The following PPFIA1 variants were observed in gnomAD, a reference collection of about 807,000 sequenced individuals.
The protein encoded by PPFIA1 is PPFI scaffold protein A1, also known as liprin-alpha-1.
In PPFIA1, 25 loss-of-function variants were observed where a neutral mutation model predicts 149.9. The observed-to-expected ratio is 0.17, with a 90% confidence interval of 0.12 to 0.23. The LOEUF (loss-of-function observed/expected upper bound fraction) is 0.23. Among genes scored for constraint, PPFIA1 ranks in the 10% least tolerant of loss-of-function variants. The pLI, the probability that PPFIA1 is intolerant of heterozygous loss-of-function variation, is 1.00. For missense variants in PPFIA1, 1,362 were observed against 1,506.5 expected, an observed-to-expected ratio of 0.90 and a Z score of 1.59; for synonymous variants, 549 against 552.8, an observed-to-expected ratio of 0.99 and a Z score of 0.10.
chr11:70,373,215 GTTTA>G (rs1212442996), intron 23 of PPFIA1, among the ~76,000 whole-genome samples: 33 of 132,976 alleles, frequency 2.5e-4, no homozygotes, highest in African/African-American at 7.3e-4. Flanking sequence ...TTGTTTGTTT[GTTTA>G]TTTATTTATT....
chr11:70,308,591 G>A (rs904319609), intron 2 of PPFIA1, among the ~76,000 whole-genome samples: 3 of 152,060 alleles, frequency 2.0e-5, no homozygotes, highest in Non-Finnish European at 4.4e-5. Context: ...TTATTTTCTA[G>A]TGTTTTAAAT....
At chr11:70,282,016 A>C (rs974786602) in intron 2 of PPFIA1, among the ~76,000 whole-genome samples, 16 of 149,860 alleles carry the variant, frequency 1.1e-4, no homozygotes, top group Non-Finnish European at 2.1e-4. Context: ...CACCTCGCTT[A>C]GGCTACCTTG....
chr11:70,354,595 C>G, intron 17 of PPFIA1, 143 bp downstream of exon 17: 5 of 905,014 alleles, frequency 5.5e-6, no homozygotes, highest in African/African-American at 1.7e-5. Flanking sequence ...ACATGTTACA[C>G]TTAGAATGCT....
At chr11:70,379,686 G>T (rs748835008) in intron 26 of PPFIA1, among the ~76,000 whole-genome samples, 20 of 151,622 alleles carry the variant, frequency 1.3e-4, no homozygotes, top group Non-Finnish European at 2.6e-4. Flanking sequence ...AGTCCCTCCC[G>T]TACGTAGGTT....
chr11:70,291,027 A>T (rs979690349), intron 2 of PPFIA1, among the ~76,000 whole-genome samples: 3 of 152,324 alleles, frequency 2.0e-5, no homozygotes, highest in African/African-American at 7.2e-5. Context: ...CTGGGATTAC[A>T]GGCATATGCC....
rs186796445 is a variant in PPFIA1 at position 70,312,387 on chromosome 11, C to T, written c.265-12015C>T. ...TGTATTTTTGGGAGGGACCAGGTTTCACCATGTTGCTTGGGTTGGTCTCAA... is the reference window on the plus strand; with the variant it reads ...TGTATTTTTGGGAGGGACCAGGTTTTACCATGTTGCTTGGGTTGGTCTCAA... On this transcript the variant is annotated intron_variant, in intron 2 of 27. Coordinates refer to ENST00000253925, the MANE Select transcript of PPFIA1 (RefSeq NM_003626.5). Among the ~76,000 whole-genome samples the T allele has an allele frequency of 2.8e-4, 42 of 152,214 alleles. No individual in the cohort carries two copies. In the East Asian group the frequency reaches 7.8e-3, roughly 28 times the overall value.
At chr11:70,346,623 A>G (rs1374836044) in intron 15 of PPFIA1, among the ~76,000 whole-genome samples, 1 of 152,112 alleles carries the variant, frequency 6.6e-6, no homozygotes, top group Admixed American at 6.6e-5. Flanking sequence ...AGTGTGATGA[A>G]GCGTTCAGAA....
At chr11:70,335,356 A>T (rs1258061021) in intron 10 of PPFIA1, among the ~76,000 whole-genome samples, 1 of 152,098 alleles carries the variant, frequency 6.6e-6, no homozygotes, top group Non-Finnish European at 1.5e-5. Flanking sequence ...CCTTCTAGTT[A>T]ATGACCTTTC....
At chr11:70,311,261 T>C (rs1454411087) in intron 2 of PPFIA1, among the ~76,000 whole-genome samples, 4 of 151,402 alleles carry the variant, frequency 2.6e-5, no homozygotes, top group Admixed American at 6.6e-5. Flanking sequence ...TGAGCCGAGA[T>C]TGGGCCATTG....
intron 2 of PPFIA1, among the ~76,000 whole-genome samples, chr11:70,303,798 G>C (rs933635922): frequency 6.6e-6 from 1 of 152,188 alleles, no homozygotes; most frequent in Non-Finnish European, 1.5e-5. Context: ...TTGAGGTCAG[G>C]AGTTCAGGAG....
At chr11:70,345,338 T>G (rs2055621563) in intron 15 of PPFIA1, among the ~76,000 whole-genome samples, 1 of 149,268 alleles carries the variant, frequency 6.7e-6, no homozygotes, top group African/African-American at 2.5e-5. Flanking sequence ...AGCAGGGAAA[T>G]AAGAATTTTA....
intron 2 of PPFIA1, among the ~76,000 whole-genome samples, chr11:70,274,027 T>C (rs1480518991): frequency 3.3e-5 from 5 of 152,176 alleles, no homozygotes. Context: ...CTGGCACTGC[T>C]CAGTGTAGCA....
intron 16 of PPFIA1, among the ~76,000 whole-genome samples, chr11:70,349,108 C>T (rs1231146498): frequency 6.7e-6 from 1 of 148,314 alleles, no homozygotes; most frequent in Non-Finnish European, 1.5e-5. Flanking sequence ...TTCGGAGTGC[C>T]CAACCAGCTT....
chr11:70,289,425 TATTAAC>T (rs1454633191), intron 2 of PPFIA1, among the ~76,000 whole-genome samples: 1 of 152,220 alleles, frequency 6.6e-6, no homozygotes, highest in Admixed American at 6.5e-5. Context: ...TTTCTAATAA[TATTAAC>T]ATTGTTTTCC....
chr11:70,339,290 G>T lies in PPFIA1; in HGVS notation c.1691G>T (p.Arg564Leu), dbSNP rs142223113. The change falls in exon 14 of 28, where the codon CGA becomes CTA. Residue 564 changes from arginine to leucine, a missense_variant. Around this residue, in one of 7 missense-constraint regions of PPFIA1, gnomAD observed 733 missense variants for 744.1 expected, o/e 0.99. Transcript: ENST00000253925. ...CAGAAAGGCCGGCTGGCAGCCCTGCGAGATGAGCCTTCCAAGGCAAGGTCT... is the reference window on the plus strand; with the variant it reads ...CAGAAAGGCCGGCTGGCAGCCCTGCTAGATGAGCCTTCCAAGGCAAGGTCT... ...RPQKGRLAALRDEPSKVQTLN... is the reference protein window; with the variant it reads ...RPQKGRLAALLDEPSKVQTLN... 9 of 1,613,636 alleles carry T rather than the reference G, an allele frequency of 5.6e-6. No homozygotes were observed. In the East Asian group the frequency reaches 2.0e-4, roughly 36 times the overall value.
rs1456382628 is a variant in PPFIA1, at chr11:70,372,490, T to C, written c.3055T>C (p.Cys1019Arg). ...VDSFHRNSFQCGIMCLRRLNY... is the reference protein window; with the variant it reads ...VDSFHRNSFQRGIMCLRRLNY... Reference sequence around the variant, plus strand: ...TCTTCCAAATAGAAACAGTTTCCAGTGTGGAATTATGTGCCTGAGAAGGTT... The same window carrying C: ...TCTTCCAAATAGAAACAGTTTCCAGCGTGGAATTATGTGCCTGAGAAGGTT... Residue 1019 changes from cysteine to arginine, a missense_variant, in exon 23 of 28, where the codon TGT (cysteine) becomes CGT (arginine). Cys to Arg is a radical substitution (Grantham distance 180). Around this residue, in one of 7 missense-constraint regions of PPFIA1, gnomAD observed 349 missense variants for 373.3 expected, o/e 0.93. Coordinates refer to ENST00000253925, the MANE Select transcript of PPFIA1 (RefSeq NM_003626.5). The C allele has an allele frequency of 6.2e-7, 1 of 1,613,928 alleles. No individual in the cohort carries two copies. Among genetic ancestry groups the C allele is most frequent in the South Asian group, 1.1e-5 (1 of 91,072 alleles).
At chr11:70,332,819 T>A (rs563196753) in intron 9 of PPFIA1, among the ~76,000 whole-genome samples, 1 of 152,106 alleles carries the variant, frequency 6.6e-6, no homozygotes, top group Admixed American at 6.5e-5. Context: ...TCGTCCTGAG[T>A]CTTCTTGCTC....
At position 70,339,283 on chromosome 11, in the gene PPFIA1, G is replaced by C. The variant is rs755665885; in HGVS notation, c.1684G>C (p.Ala562Pro). The C allele has an allele frequency of 1.2e-6, 2 of 1,613,834 alleles. No individual in the cohort carries two copies. Among genetic ancestry groups the C allele is most frequent in the Non-Finnish European group, 1.7e-6 (2 of 1,179,858 alleles). ...GCGCCCACAGAAAGGCCGGCTGGCA[G>C]CCCTGCGAGATGAGCCTTCCAAGGC... ...LRRPQKGRLA[A>P]LRDEPSKVQT... Residue 562 changes from alanine (A) to proline (P), a missense_variant, in exon 14 of 28, where the codon GCC becomes CCC. This residue lies in a region of PPFIA1 where 733 missense variants were observed against 744.1 expected (regional missense o/e 0.99). Transcript: ENST00000253925.
At chr11:70,332,148 G>A in intron 9 of PPFIA1, 54 bp downstream of exon 9, 1 of 1,509,704 alleles carries the variant, frequency 6.6e-7, no homozygotes, top group Non-Finnish European at 8.8e-7. Context: ...ACTGTGCCTT[G>A]CCTGTGTACC....
Sources: allele counts gnomAD v4.1 joint callset (sites outside exome capture counted in the v4.1 genomes callset), GRCh38; gene constraint gnomAD v4.1.1; regional missense constraint gnomAD v4.1.1; transcripts MANE v1.5; gene names NCBI Gene and HGNC (gene_info 2026-07-23, HGNC 2026-07-21).